CST7: variants seen among roughly 807,000 people sequenced by gnomAD.
The protein encoded by CST7 is cystatin-F.
In CST7, 15 loss-of-function variants were observed where a neutral mutation model predicts 13.1. The observed-to-expected ratio is 1.14, with a 90% confidence interval of 0.77 to 1.76. CST7 has a LOEUF of 1.76. Among genes scored for constraint, CST7 ranks in the 40% most tolerant of loss-of-function variants. The pLI, the probability that CST7 is intolerant of heterozygous loss-of-function variation, is 0.00. For missense variants in CST7, 193 were observed against 178.8 expected, an observed-to-expected ratio of 1.08 and a Z score of -0.45; for synonymous variants, 75 against 66.9, an observed-to-expected ratio of 1.12 and a Z score of -0.59.
intron 1 of CST7, among the ~76,000 whole-genome samples, chr20:24,950,686 G>A (rs1220420803): frequency 1.3e-5 from 2 of 151,980 alleles, no homozygotes; most frequent in East Asian, 1.9e-4. Flanking sequence ...CAGCATACCC[G>A]GCCCTGCCTC....
rs760838101 is a variant in CST7 at position 24,957,419 on chromosome 20, T to A, written c.203T>A (p.Phe68Tyr). The A allele has an allele frequency of 1.9e-6, 3 of 1,613,752 alleles. No homozygotes were observed. In the East Asian group the frequency reaches 6.7e-5, roughly 36 times the overall value. ...TTCAACAACTGCACGAACGACATGT[T>A]CTTGTTCAAGGAGTCCCGCATCACA... is the stretch of plus-strand genomic sequence containing the variant. ...EKFNNCTNDM[F>Y]LFKESRITRA... Residue 68 changes from phenylalanine (F) to tyrosine (Y), a missense_variant, in exon 2 of 4, where the codon TTC becomes TAC. By Grantham distance (22) the Phe-to-Tyr change is conservative (BLOSUM62 3). Coordinates refer to ENST00000480798, the MANE Select transcript of CST7 (RefSeq NM_003650.4).
chr20:24,958,633 C>T (rs897537524), intron 2 of CST7, among the ~76,000 whole-genome samples: 2 of 152,102 alleles, frequency 1.3e-5, no homozygotes, highest in Admixed American at 6.5e-5. Flanking sequence ...GGCTGCAGGG[C>T]GGGCCCAGCA....
intron 2 of CST7, 37 bp downstream of exon 2, chr20:24,957,496 C>G (rs1159366398): frequency 6.3e-7 from 1 of 1,595,462 alleles, no homozygotes; most frequent in Non-Finnish European, 8.6e-7. Context: ...TCACGGACAC[C>G]CCTAGGAAGC....
chr20:24,954,883 A>T (rs1252428222), intron 1 of CST7, among the ~76,000 whole-genome samples: 1 of 152,174 alleles, frequency 6.6e-6, no homozygotes, highest in East Asian at 1.9e-4. Flanking sequence ...TAGCTTTAAG[A>T]TATTAAAAAT....
chr20:24,955,938 TG>T (rs1335462897), intron 1 of CST7, among the ~76,000 whole-genome samples: 3 of 152,172 alleles, frequency 2.0e-5, no homozygotes, highest in Non-Finnish European at 4.4e-5. Flanking sequence ...CCAGGCTCCC[TG>T]GGCTGCTAAA....
chr20:24,952,340 C>T (rs1044350058), intron 1 of CST7, among the ~76,000 whole-genome samples: 7 of 152,180 alleles, frequency 4.6e-5, no homozygotes, highest in Admixed American at 1.3e-4. Context: ...ATTCAAACTC[C>T]GGGTGTGTCC....
At position 24,957,052 on chromosome 20, in the gene CST7, AGGGAGAAC is replaced by A. The variant is rs1568806100; in HGVS notation, c.71-234_71-227del. Among the ~76,000 whole-genome samples the A allele has an allele frequency of 9.2e-3, 12 of 1,310 alleles. 1 individual carries two copies. Among genetic ancestry groups the A allele is most frequent in the African/African-American group, 0.019 (5 of 260 alleles). 0.9% of individuals were successfully genotyped at this position (1,310 alleles called of 152,430 possible). A position where few individuals can be genotyped will look rare whatever the true frequency, so the allele number is the denominator to read the frequency against. On this transcript the variant is annotated intron_variant, in intron 1 of 3. Transcript: ENST00000480798. ...GGGAGCAGGTGAGAGGGGGCAGGTG[AGGGAGAAC>A]AGGTGAGGGGGCAGGTGAGGGGGGC... is the stretch of plus-strand genomic sequence containing the variant.
chr20:24,953,995 C>G (rs1600960530), intron 1 of CST7, among the ~76,000 whole-genome samples: 1 of 152,124 alleles, frequency 6.6e-6, no homozygotes, highest in African/African-American at 2.4e-5. Flanking sequence ...GTTCAGCCAC[C>G]TTGCAGCTGC....
intron 1 of CST7, among the ~76,000 whole-genome samples, chr20:24,952,491 A>G (rs6106978): frequency 0.014 from 2,088 of 152,290 alleles, 46 homozygotes; most frequent in African/African-American, 0.047. Context: ...TGTGGCCCCA[A>G]GGACCCAGGC....
At chr20:24,955,178 C>G (rs901979242) in intron 1 of CST7, among the ~76,000 whole-genome samples, 2 of 152,152 alleles carry the variant, frequency 1.3e-5, no homozygotes, top group African/African-American at 2.4e-5. Context: ...GTTTCCAGAA[C>G]AGTTTTTTGT....
chr20:24,949,658 C>T, intron 1 of CST7, 83 bp downstream of exon 1: 1 of 1,553,574 alleles, frequency 6.4e-7, no homozygotes, highest in South Asian at 1.2e-5. Context: ...CCCCAGGGCA[C>T]TTTCCTAGCT....
chr20:24,952,071 C>G (rs1038772015), intron 1 of CST7, among the ~76,000 whole-genome samples: 28 of 152,234 alleles, frequency 1.8e-4, no homozygotes, highest in African/African-American at 6.8e-4. Flanking sequence ...GCAGGCTGAG[C>G]CACCGTCTAC....
rs772190537 is a variant in CST7, at chr20:24,959,653, G to C, written c.379G>C (p.Glu127Gln). Residue 127 changes from glutamate (E) to glutamine (Q), a missense_variant, in exon 4 of 4, where the codon GAA (glutamate) becomes CAA (glutamine). Coordinates refer to ENST00000480798, the MANE Select transcript of CST7 (RefSeq NM_003650.4). ...GTTTCAGACTCTGAGCTGCTACTCT[G>C]AAGTCTGGGTCGTGCCCTGGCTCCA... Reference protein sequence around the residue: ...TLKQTLSCYSEVWVVPWLQHF... With the variant: ...TLKQTLSCYSQVWVVPWLQHF... 1 of 1,614,136 alleles carries C rather than the reference G, an allele frequency of 6.2e-7. No homozygotes were observed. Among genetic ancestry groups the C allele is most frequent in the Non-Finnish European group, 8.5e-7 (1 of 1,180,028 alleles).
Position 24,949,331 on chromosome 20 carries a change from T to C in CST7, c.-175T>C. On this transcript the variant is annotated 5_prime_UTR_variant, in exon 1 of 4. Coordinates refer to ENST00000480798, the MANE Select transcript of CST7 (RefSeq NM_003650.4). ...CAAACCATTGCCCGGCACTGGCCCG[T>C]GCTGCCTGAGAAGGATTGGCACGGG... is the stretch of plus-strand genomic sequence containing the variant. 2 of 1,529,580 alleles carry C rather than the reference T, an allele frequency of 1.3e-6. No individual in the cohort carries two copies. Among genetic ancestry groups the C allele is most frequent in the Non-Finnish European group, 1.8e-6 (2 of 1,135,480 alleles). 94.8% of individuals were successfully genotyped at this position (1,529,580 alleles called of 1,614,324 possible).
intron 1 of CST7, among the ~76,000 whole-genome samples, chr20:24,956,083 C>T (rs2087852130): frequency 6.6e-6 from 1 of 152,194 alleles, no homozygotes; most frequent in Admixed American, 6.5e-5. Flanking sequence ...GGGCGACAAT[C>T]CCAAGGCCAC....
Position 24,955,866 on chromosome 20 carries a change from C to T in CST7, c.71-1421C>T, listed in dbSNP as rs540283230. On this transcript the variant is annotated intron_variant, in intron 1 of 3. Coordinates refer to ENST00000480798, the MANE Select transcript of CST7 (RefSeq NM_003650.4). The stretch of plus-strand genomic sequence containing the variant: ...TATCCACCAGCACACAGGACCAGCA[C>T]GTGGCCAGCATTCTCTATGGGGTGG... Among the ~76,000 whole-genome samples, 5 of 152,300 alleles carry T rather than the reference C, an allele frequency of 3.3e-5. No individual in the cohort carries two copies. In the South Asian group the frequency reaches 8.3e-4, roughly 25 times the overall value.
chr20:24,952,142 C>T (rs1024293159), intron 1 of CST7, among the ~76,000 whole-genome samples: 1 of 152,202 alleles, frequency 6.6e-6, no homozygotes, highest in African/African-American at 2.4e-5. Flanking sequence ...CTGCTGTGGC[C>T]ATGTGCATTT....
chr20:24,957,482 C>T (rs1023677702), intron 2 of CST7, 23 bp downstream of exon 2: 3 of 1,609,596 alleles, frequency 1.9e-6, no homozygotes, highest in Non-Finnish European at 2.5e-6. Context: ...GTTCTGGTCA[C>T]ATATCACGGA....
At chr20:24,951,307 A>T (rs1236462788) in intron 1 of CST7, among the ~76,000 whole-genome samples, 2 of 152,178 alleles carry the variant, frequency 1.3e-5, no homozygotes, top group Non-Finnish European at 2.9e-5. Context: ...GGCTCGGGGA[A>T]GGCACAGGCA....
Sources: allele counts gnomAD v4.1 joint callset (sites outside exome capture counted in the v4.1 genomes callset), GRCh38; gene constraint gnomAD v4.1.1; transcripts MANE v1.5; gene names NCBI Gene and HGNC (gene_info 2026-07-23, HGNC 2026-07-21).